The following RNF144A variants were observed in gnomAD, a reference collection of about 807,000 sequenced individuals.
RNF144A encodes ring finger protein 144A.
RNF144A carries 11 observed loss-of-function variants against 38.7 expected under a neutral mutation model. That is an observed-to-expected ratio of 0.28 (90% CI 0.18 to 0.47). RNF144A has a LOEUF of 0.47. Ranked by LOEUF, RNF144A falls within the 20% of genes least tolerant of loss-of-function variation. RNF144A has a pLI of 0.99. For synonymous variants in RNF144A, 149 were observed against 143.9 expected (o/e 1.04, Z -0.25); for missense variants, 316 against 377.2 (o/e 0.84, Z 1.34).
intron 5 of RNF144A, among the ~76,000 whole-genome samples, chr2:7,015,248 A>G (rs1671062072): frequency 6.6e-6 from 1 of 152,230 alleles, no homozygotes; most frequent in Non-Finnish European, 1.5e-5. Flanking sequence ...CACTGGACAC[A>G]GACCTAGATA....
chr2:7,032,722 C>T (rs1672406074), intron 8 of RNF144A, among the ~76,000 whole-genome samples: 1 of 152,240 alleles, frequency 6.6e-6, no homozygotes, highest in South Asian at 2.1e-4. Context: ...GAGGCCCACG[C>T]TAATCACCTC....
At chr2:6,999,429 C>T (rs959049073) in intron 3 of RNF144A, among the ~76,000 whole-genome samples, 1 of 152,100 alleles carries the variant, frequency 6.6e-6, no homozygotes, top group African/African-American at 2.4e-5. Context: ...AGAGGAGTTG[C>T]AACTGTCCTT....
chr2:6,926,781 A>G (rs1022334820), intron 1 of RNF144A, among the ~76,000 whole-genome samples: 2 of 152,212 alleles, frequency 1.3e-5, no homozygotes, highest in South Asian at 2.1e-4. Context: ...ATATTCATGA[A>G]TATCTTACTC....
In RNF144A at chr2:6,942,972, G is replaced by A. The variant is rs372736236; in HGVS notation, c.-12+1825G>A. On this transcript the variant is annotated intron_variant, in intron 2 of 8. Coordinates refer to ENST00000320892, the MANE Select transcript of RNF144A (RefSeq NM_014746.6). ...GCACTCCAGCCTGGGTGACAAAAGC[G>A]AGACTCCATCTCAATTTGAAAAAGA... 9.2e-5 allele frequency among the ~76,000 whole-genome samples: 14 copies of A among 152,236 alleles called. No homozygotes were observed. The South Asian group carries it at 1.2e-3, about 14-fold the overall frequency.
intron 3 of RNF144A, among the ~76,000 whole-genome samples, chr2:7,011,727 C>T (rs2103415046): frequency 6.6e-6 from 1 of 152,240 alleles, no homozygotes; most frequent in East Asian, 1.9e-4. Flanking sequence ...TATTTTTGTG[C>T]TCATTTCAAG....
downstream of RNF144A, chr2:7,068,355 T>C (rs369748967): frequency 1.0e-3 from 775 of 764,540 alleles, 6 homozygotes; most frequent in South Asian, 9.4e-3. Context: ...CGTGAAACTT[T>C]ATAGTGAAAA....
intron 7 of RNF144A, among the ~76,000 whole-genome samples, chr2:7,027,157 A>T (rs429349): frequency 0.27 from 40,460 of 151,972 alleles, 6,511 homozygotes; most frequent in Admixed American, 0.35. Context: ...GGAGTTATGA[A>T]TATTTCAGAC....
intron 2 of RNF144A, among the ~76,000 whole-genome samples, chr2:6,964,908 T>A (rs942730689): frequency 6.6e-6 from 1 of 152,064 alleles, no homozygotes; most frequent in Non-Finnish European, 1.5e-5. Flanking sequence ...GCATGGAACA[T>A]GTATACATAT....
At chr2:6,986,015 C>T (rs1158078864) in intron 2 of RNF144A, among the ~76,000 whole-genome samples, 1 of 152,164 alleles carries the variant, frequency 6.6e-6, no homozygotes, top group African/African-American at 2.4e-5. Context: ...GAGATTGGTT[C>T]TCCTACCTGT....
rs2103301460 is a variant in RNF144A at position 6,943,263 on chromosome 2, G to A, written c.-12+2116G>A. 6.6e-6 allele frequency among the ~76,000 whole-genome samples: 1 copy of A among 152,348 alleles called. No homozygotes were observed. The highest frequency in any genetic ancestry group is 1.5e-5 in the Non-Finnish European group (1 of 68,030). ...AGCAGAAGAGGACAAGCCAGCAAAG[G>A]AGAACAAGAGGGAACAACCAGGGAG... On this transcript the variant is annotated intron_variant, in intron 2 of 8. Coordinates refer to ENST00000320892, the MANE Select transcript of RNF144A (RefSeq NM_014746.6). The surrounding 1 kb of genome is among the most constrained non-coding windows in gnomAD (Gnocchi z 4.3).
intron 7 of RNF144A, among the ~76,000 whole-genome samples, chr2:7,029,536 C>T (rs760224307): frequency 3.9e-5 from 6 of 152,220 alleles, no homozygotes; most frequent in Admixed American, 2.6e-4. Flanking sequence ...AAGTGCTCCC[C>T]GGGCTGGATC....
intron 6 of RNF144A, among the ~76,000 whole-genome samples, chr2:7,067,147 C>A (rs1674267431): frequency 6.6e-6 from 1 of 152,168 alleles, no homozygotes; most frequent in Admixed American, 6.5e-5. Context: ...TGAATTTTAG[C>A]CTTGCTCATT....
chr2:6,937,905 A>T (rs186008618), intron 1 of RNF144A, among the ~76,000 whole-genome samples: 2 of 152,320 alleles, frequency 1.3e-5, no homozygotes, highest in African/African-American at 4.8e-5. Context: ...GTAACGAGGG[A>T]ATATCTACCA....
intron 1 of RNF144A, among the ~76,000 whole-genome samples, chr2:6,930,757 A>C (rs939331180): frequency 1.3e-5 from 2 of 151,848 alleles, no homozygotes; most frequent in African/African-American, 4.8e-5. Flanking sequence ...ACACCCAGCA[A>C]ATTTTTATAT....
In RNF144A at chr2:7,043,460, C is replaced by CTG; in HGVS notation, c.*3704_*3705dup. 1 of 985,552 alleles carries CTG rather than the reference C, an allele frequency of 1.0e-6. No individual in the cohort carries two copies. Among genetic ancestry groups the CTG allele is most frequent in the Non-Finnish European group, 1.2e-6 (1 of 829,878 alleles). 61.1% of individuals were successfully genotyped at this position (985,552 alleles called of 1,614,324 possible). On this transcript the variant is annotated 3_prime_UTR_variant, in exon 9 of 9. Transcript: ENST00000320892. ...GATTCTCATTTATTAGTGAGCACAC[C>CTG]TGTGTATATATATAAATCACAAGGA...
chr2:6,967,983 G>A (rs1456590651), intron 2 of RNF144A, among the ~76,000 whole-genome samples: 1 of 152,014 alleles, frequency 6.6e-6, no homozygotes, highest in African/African-American at 2.4e-5. Flanking sequence ...TTTTTTTTCA[G>A]AAACGGGTCA....
intron 1 of RNF144A, among the ~76,000 whole-genome samples, chr2:6,930,412 A>T (rs1665131692): frequency 6.6e-6 from 1 of 152,050 alleles, no homozygotes; most frequent in East Asian, 1.9e-4. Flanking sequence ...AAGTAAATTC[A>T]CTTAGTTTTG....
At chr2:6,920,787 T>C (rs1344976532) in intron 1 of RNF144A, among the ~76,000 whole-genome samples, 1 of 152,234 alleles carries the variant, frequency 6.6e-6, no homozygotes, top group Non-Finnish European at 1.5e-5. Flanking sequence ...ATGAATACCC[T>C]TTCTTAGTTA....
chr2:7,019,777 G>A (rs1234083981), intron 5 of RNF144A, among the ~76,000 whole-genome samples: 1 of 152,210 alleles, frequency 6.6e-6, no homozygotes, highest in East Asian at 1.9e-4. Flanking sequence ...AAAGTGTCTT[G>A]TTTTTAGAAA....
Sources: allele counts gnomAD v4.1 joint callset (sites outside exome capture counted in the v4.1 genomes callset), GRCh38; gene constraint gnomAD v4.1.1; non-coding constraint Gnocchi (gnomAD v3.1); transcripts MANE v1.5; gene names NCBI Gene and HGNC (gene_info 2026-07-23, HGNC 2026-07-21).